Variants in TMEM178B observed in about 807,000 individuals in gnomAD.
TMEM178B encodes transmembrane protein 178B.
A neutral mutation model predicts 31.0 loss-of-function variants in TMEM178B; 5 were observed. The ratio of observed to expected loss-of-function variants is 0.16; its 90% confidence interval spans 0.08 to 0.34. The LOEUF is 0.34. Among genes scored for constraint, TMEM178B ranks in the 10% least tolerant of loss-of-function variants. The probability of loss-of-function intolerance (pLI) is 1.00; values close to 1 mark genes in which losing one functional copy is unlikely to be tolerated. For missense variants in TMEM178B, 275 were observed against 400.3 expected, an observed-to-expected ratio of 0.69 and a Z score of 2.67; for synonymous variants, 164 against 164.0, an observed-to-expected ratio of 1.00 and a Z score of 0.00.
chr7:141,333,006 A>G (rs2116493552), intron 2 of TMEM178B, among the ~76,000 whole-genome samples: 1 of 152,272 alleles, frequency 6.6e-6, no homozygotes, highest in South Asian at 2.1e-4. Context: ...GGAATCCACC[A>G]TTTTGAGAAA....
At chr7:141,417,196 C>A (rs2116645668) in intron 2 of TMEM178B, among the ~76,000 whole-genome samples, 1 of 152,234 alleles carries the variant, frequency 6.6e-6, no homozygotes, top group East Asian at 1.9e-4. Flanking sequence ...ATGCTCCTAC[C>A]AAATGGAATA....
chr7:141,257,443 G>A (rs1245536769), intron 2 of TMEM178B, among the ~76,000 whole-genome samples: 5 of 152,204 alleles, frequency 3.3e-5, no homozygotes, highest in Non-Finnish European at 5.9e-5. Context: ...TCAAATTCAA[G>A]TTATGTCATG....
At chr7:141,313,874 G>A (rs1396191689) in intron 2 of TMEM178B, among the ~76,000 whole-genome samples, 1 of 151,974 alleles carries the variant, frequency 6.6e-6, no homozygotes, top group Admixed American at 6.6e-5. Context: ...CTTTTGTTAG[G>A]ACCCCCCTGA....
rs114117213 is a variant in TMEM178B at position 141,243,378 on chromosome 7, G to A, written c.496+30674G>A. ...CTCTCAGCACTTCTGTCTTTGTAAG[G>A]GGTGGAGCGCGGTCAGCTCTGCTCT... is the stretch of plus-strand genomic sequence containing the variant. On this transcript the variant is annotated intron_variant, in intron 2 of 3. Coordinates refer to ENST00000565468, the MANE Select transcript of TMEM178B (RefSeq NM_001195278.2). Among the ~76,000 whole-genome samples, 613 of 152,186 alleles carry A rather than the reference G, an allele frequency of 4.0e-3. 2 individuals are homozygous for A. Among genetic ancestry groups the A allele is most frequent in the African/African-American group, 0.014 (583 of 41,526 alleles).
At chr7:141,366,095 T>C (rs533410973) in intron 2 of TMEM178B, among the ~76,000 whole-genome samples, 1 of 152,358 alleles carries the variant, frequency 6.6e-6, no homozygotes, top group South Asian at 2.1e-4. Context: ...GTTCTCACCC[T>C]GGAAGGGATG....
At chr7:141,464,017 A>G (rs1288679842) in intron 3 of TMEM178B, among the ~76,000 whole-genome samples, 2 of 152,210 alleles carry the variant, frequency 1.3e-5, no homozygotes, top group Non-Finnish European at 2.9e-5. Flanking sequence ...GCAGGACTCC[A>G]GTGATCTGTT....
intron 2 of TMEM178B, among the ~76,000 whole-genome samples, chr7:141,391,660 T>TC (rs1214952195): frequency 2.0e-5 from 3 of 152,156 alleles, no homozygotes; most frequent in African/African-American, 4.8e-5. Flanking sequence ...AATCTGAAAC[T>TC]CTGTCCTCCA....
intron 1 of TMEM178B, among the ~76,000 whole-genome samples, chr7:141,119,912 A>G (rs576153490): frequency 6.6e-6 from 1 of 152,324 alleles, no homozygotes; most frequent in East Asian, 1.9e-4. Flanking sequence ...CCATGGGATT[A>G]AAAGTGTTAT....
intron 2 of TMEM178B, among the ~76,000 whole-genome samples, chr7:141,289,731 A>AAG (rs10691750): frequency 6.7e-6 from 1 of 149,924 alleles, no homozygotes; most frequent in Admixed American, 6.6e-5. Flanking sequence ...AAAAAAAAAA[A>AAG]GAAAAAAGAA....
At position 141,271,592 on chromosome 7, in the gene TMEM178B, G is replaced by T. The variant is rs147166973; in HGVS notation, c.496+58888G>T. ...CATGAAAGGCACCATGGAGCTTCAT[G>T]ACCCATTTCCTCTCTCTGGTCATTA... On this transcript the variant is annotated intron_variant, in intron 2 of 3. Transcript: ENST00000565468. Among the ~76,000 whole-genome samples, 7 of 152,298 alleles carry T rather than the reference G, an allele frequency of 4.6e-5. No homozygotes were observed. The East Asian group carries it at 1.4e-3, about 29-fold the overall frequency.
At chr7:141,335,224 G>A (rs1018068189) in intron 2 of TMEM178B, among the ~76,000 whole-genome samples, 16 of 152,286 alleles carry the variant, frequency 1.1e-4, no homozygotes, top group Non-Finnish European at 2.2e-4. Flanking sequence ...ACTGTTAGGA[G>A]ATGGGCAGAG....
At chr7:141,189,904 A>G (rs1376148784) in intron 1 of TMEM178B, among the ~76,000 whole-genome samples, 1 of 152,212 alleles carries the variant, frequency 6.6e-6, no homozygotes, top group African/African-American at 2.4e-5. Context: ...GGCAGGGCTC[A>G]GAGTCTGAGG....
chr7:141,451,193 C>A (rs568850541), intron 3 of TMEM178B, among the ~76,000 whole-genome samples: 1 of 152,312 alleles, frequency 6.6e-6, no homozygotes, highest in East Asian at 1.9e-4. Context: ...TATCTGGAGT[C>A]AGACTCAAAA....
chr7:141,254,628 G>A (rs2116346800), intron 2 of TMEM178B, among the ~76,000 whole-genome samples: 1 of 152,304 alleles, frequency 6.6e-6, no homozygotes, highest in South Asian at 2.1e-4. Context: ...TGAGGCAGGA[G>A]AATGGCTTGA....
At chr7:141,226,529 G>A (rs1797344216) in intron 2 of TMEM178B, among the ~76,000 whole-genome samples, 3 of 152,118 alleles carry the variant, frequency 2.0e-5, no homozygotes, top group Non-Finnish European at 4.4e-5. Flanking sequence ...CTACTGTTTA[G>A]CTTGGCAGAG....
At chr7:141,490,739 C>A in the TMEM178B span, among the ~76,000 whole-genome samples, 412 of 152,290 alleles carry the variant, frequency 2.7e-3, 5 homozygotes, top group African/African-American at 9.3e-3. Context: ...GTCTCCTAAC[C>A]CCTAACACAT....
At chr7:141,451,745 AT>A (rs1177389159) in intron 3 of TMEM178B, among the ~76,000 whole-genome samples, 1 of 152,196 alleles carries the variant, frequency 6.6e-6, no homozygotes, top group South Asian at 2.1e-4. Context: ...ATATATGAAC[AT>A]TTTTATGTGT....
intron 2 of TMEM178B, among the ~76,000 whole-genome samples, chr7:141,258,646 G>A (rs772406260): frequency 5.3e-5 from 8 of 152,160 alleles, no homozygotes; most frequent in African/African-American, 1.2e-4. Flanking sequence ...GGTCTGATGC[G>A]ATGAAATCTC....
chr7:141,351,400 A>AG (rs2116530075), intron 2 of TMEM178B, among the ~76,000 whole-genome samples: 1 of 152,380 alleles, frequency 6.6e-6, no homozygotes, highest in African/African-American at 2.4e-5. Flanking sequence ...CACTGCCTCT[A>AG]GCAGGCCAGT....
Sources: allele counts gnomAD v4.1 joint callset (sites outside exome capture counted in the v4.1 genomes callset), GRCh38; gene constraint gnomAD v4.1.1; transcripts MANE v1.5; gene names NCBI Gene and HGNC (gene_info 2026-07-23, HGNC 2026-07-21).